TMEM68: variants seen among roughly 807,000 people sequenced by gnomAD.
The protein encoded by TMEM68 is DGAT1/2-independent enzyme synthesizing storage lipids.
In TMEM68, 25 loss-of-function variants were observed where a neutral mutation model predicts 36.9. The ratio of observed to expected loss-of-function variants is 0.68; its 90% confidence interval spans 0.49 to 0.95. The LOEUF is 0.95. Among genes scored for constraint, TMEM68 ranks in the 40% least tolerant of loss-of-function variants. The probability of loss-of-function intolerance (pLI) is 0.00; values close to 1 mark genes in which losing one functional copy is unlikely to be tolerated. For synonymous variants in TMEM68, 131 were observed against 124.4 expected (o/e 1.05, Z -0.35); for missense variants, 333 against 392.0 (o/e 0.85, Z 1.27).
chr8:55,751,156 C>T lies in TMEM68; in HGVS notation c.495G>A (p.Gly165=). ...AAAACACATCCAGTAATAAACTAAA[C>T]CCTGTAAGAAACATGAGTATGAAGT... ...VADHFVFKIP[G]FSLLLDVFCA... is the part of the protein sequence containing the mutation. Residue 165 remains glycine, a splice_region_variant and synonymous_variant, in exon 5 of 8, where the codon GGG becomes GGA. Transcript: ENST00000434581. 1 of 1,590,842 alleles carries T rather than the reference C, an allele frequency of 6.3e-7. No individual in the cohort carries two copies. The highest frequency in any genetic ancestry group is 8.5e-7 in the Non-Finnish European group (1 of 1,172,416).
intron 4 of TMEM68, among the ~76,000 whole-genome samples, chr8:55,753,373 G>A (rs917898239): frequency 1.3e-5 from 2 of 151,944 alleles, no homozygotes; most frequent in Non-Finnish European, 2.9e-5. Context: ...CTATGTTACT[G>A]TAAGTAAAAA....
At chr8:55,764,696 T>C (rs1476186022) in intron 1 of TMEM68, among the ~76,000 whole-genome samples, 4 of 152,228 alleles carry the variant, frequency 2.6e-5, no homozygotes, top group African/African-American at 9.6e-5. Context: ...TGGTCTGTTA[T>C]GGTTACAGGA....
chr8:55,766,636 A>G (rs1459626165), intron 1 of TMEM68, among the ~76,000 whole-genome samples: 1 of 151,978 alleles, frequency 6.6e-6, no homozygotes, highest in Non-Finnish European at 1.5e-5. Context: ...TCGGCCTCCC[A>G]AAGTGCTGGG....
chr8:55,764,925 A>C (rs1194536459), intron 1 of TMEM68, among the ~76,000 whole-genome samples: 2 of 152,140 alleles, frequency 1.3e-5, no homozygotes, highest in Admixed American at 6.5e-5. Context: ...ATATAAAATT[A>C]GCTGGGAGTG....
intron 1 of TMEM68, among the ~76,000 whole-genome samples, chr8:55,772,721 A>G (rs1811220897): frequency 6.6e-6 from 1 of 152,226 alleles, no homozygotes; most frequent in African/African-American, 2.4e-5. Flanking sequence ...AGGTAAGCTC[A>G]GAAAGGTGAA....
intron 1 of TMEM68, among the ~76,000 whole-genome samples, chr8:55,768,384 G>A (rs966418724): frequency 1.3e-5 from 2 of 152,162 alleles, no homozygotes; most frequent in African/African-American, 4.8e-5. Flanking sequence ...AGGGAACACA[G>A]GTGAGTTGTT....
chr8:55,754,196 C>T (rs1225604181), intron 4 of TMEM68, among the ~76,000 whole-genome samples: 2 of 148,432 alleles, frequency 1.3e-5, no homozygotes, highest in African/African-American at 2.5e-5. Flanking sequence ...GAGGGTGAGG[C>T]GGGAGGATCA....
In TMEM68 at chr8:55,762,704, G is replaced by T; in HGVS notation, c.256C>A (p.His86Asn). ...RKNVLKEAYS[H>N]NLWDGARKTV... ...TTCCTTGCACCATCCCATAAATTAT[G>T]AGAGTAGGCTTCTTTCAATACATTC... The change falls in exon 3 of 8, where the codon CAT (histidine) becomes AAT (asparagine). Residue 86 changes from histidine to asparagine, a missense_variant. His to Asn is a moderately conservative substitution (Grantham distance 68). Coordinates refer to ENST00000434581, the MANE Select transcript of TMEM68 (RefSeq NM_001286657.2). The T allele has an allele frequency of 6.2e-7, 1 of 1,614,190 alleles. No homozygotes were observed. Among genetic ancestry groups the T allele is most frequent in the Non-Finnish European group, 8.5e-7 (1 of 1,180,032 alleles).
intron 1 of TMEM68, 136 bp downstream of exon 1, chr8:55,773,133 G>A (rs1811245146): frequency 6.6e-6 from 1 of 152,434 alleles, no homozygotes; most frequent in Non-Finnish European, 1.5e-5. Flanking sequence ...GGGATTCCGA[G>A]GCGGCTCCTG....
At chr8:55,760,139 T>G (rs1272012740) in intron 3 of TMEM68, among the ~76,000 whole-genome samples, 1 of 152,258 alleles carries the variant, frequency 6.6e-6, no homozygotes, top group African/African-American at 2.4e-5. Context: ...GGCCAACAAA[T>G]TTACTTCTTA....
intron 5 of TMEM68, 98 bp downstream of exon 5, chr8:55,750,866 G>T (rs112579317): frequency 2.8e-5 from 34 of 1,227,774 alleles, no homozygotes; most frequent in Non-Finnish European, 3.9e-5. Flanking sequence ...GTATTGCAGC[G>T]AAAGTGTCTA....
intron 1 of TMEM68, among the ~76,000 whole-genome samples, chr8:55,771,155 C>CAAA (rs113484781): frequency 7.9e-6 from 1 of 126,484 alleles, no homozygotes; most frequent in Non-Finnish European, 1.7e-5. Flanking sequence ...TCTCCGTCTC[C>CAAA]AAAAAAAAAA....
chr8:55,756,000 A>T (rs1810594345), intron 4 of TMEM68, among the ~76,000 whole-genome samples: 1 of 152,034 alleles, frequency 6.6e-6, no homozygotes, highest in African/African-American at 2.4e-5. Context: ...AAAAATAAAC[A>T]ATTTTAAAAT....
chr8:55,772,401 T>G (rs1382447161), intron 1 of TMEM68, among the ~76,000 whole-genome samples: 1 of 152,242 alleles, frequency 6.6e-6, no homozygotes, highest in African/African-American at 2.4e-5. Context: ...GCAGCCTCCA[T>G]GAATACCACA....
At chr8:55,755,452 A>C (rs2129973771) in intron 4 of TMEM68, among the ~76,000 whole-genome samples, 1 of 152,036 alleles carries the variant, frequency 6.6e-6, no homozygotes, top group African/African-American at 2.4e-5. Context: ...TTGTATTTTT[A>C]GTAGAGACGG....
rs1810053491 is a variant in TMEM68, at chr8:55,740,116, A to C, written c.*16T>G. 1 of 1,598,584 alleles carries C rather than the reference A, an allele frequency of 6.3e-7. No homozygotes were observed. The highest frequency in any genetic ancestry group is 8.6e-7 in the Non-Finnish European group (1 of 1,167,840). ...ATATAAATGTACTAAATCATCTTCT[A>C]GTTGACCCTTTGTTATCAATGAAAA... On this transcript the variant is annotated 3_prime_UTR_variant, in exon 8 of 8. Transcript: ENST00000434581.
Position 55,740,078 on chromosome 8 carries a change from A to T in TMEM68, c.*54T>A, listed in dbSNP as rs1172951591. Reference sequence around the variant, plus strand: ...CAAAATTCAGAAGACAGTACCTTAGATACAAACATTTAATATAAATGTACT... The same window carrying T: ...CAAAATTCAGAAGACAGTACCTTAGTTACAAACATTTAATATAAATGTACT... On this transcript the variant is annotated 3_prime_UTR_variant, in exon 8 of 8. Coordinates refer to ENST00000434581, the MANE Select transcript of TMEM68 (RefSeq NM_001286657.2). 1.1e-5 allele frequency: 16 copies of T among 1,427,646 alleles called. No individual in the cohort carries two copies. The highest frequency in any genetic ancestry group is 1.8e-5 in the Admixed American group (1 of 54,606). 88.4% of individuals were successfully genotyped at this position (1,427,646 alleles called of 1,614,324 possible).
chr8:55,772,271 A>T (rs1811198683), intron 1 of TMEM68, among the ~76,000 whole-genome samples: 1 of 152,256 alleles, frequency 6.6e-6, no homozygotes, highest in African/African-American at 2.4e-5. Flanking sequence ...CATGAATTTT[A>T]GCTCAGTTTT....
intron 4 of TMEM68, among the ~76,000 whole-genome samples, chr8:55,754,444 AAT>A (rs769626273): frequency 0.066 from 6,680 of 101,040 alleles, 295 homozygotes; most frequent in African/African-American, 0.11. Context: ...CTCTGTCTCG[AAT>A]ATATATATAT....
Sources: gnomAD v4.1 joint callset for allele counts (sites outside exome capture counted in the v4.1 genomes callset) on GRCh38, gnomAD v4.1.1 for gene constraint, MANE v1.5 for transcripts, NCBI Gene and HGNC (gene_info 2026-07-23, HGNC 2026-07-21) for gene names.